Variants in MECOM observed in about 807,000 individuals in gnomAD.
MECOM encodes MDS1 and EVI1 complex locus.
A neutral mutation model predicts 116.3 loss-of-function variants in MECOM; 13 were observed. That is an observed-to-expected ratio of 0.11 (90% CI 0.07 to 0.18). The LOEUF is 0.18. Among genes scored for constraint, MECOM ranks in the 10% least tolerant of loss-of-function variants. The pLI, the probability that MECOM is intolerant of heterozygous loss-of-function variation, is 1.00. For synonymous variants in MECOM, 528 were observed against 535.2 expected, an observed-to-expected ratio of 0.99 and a Z score of 0.19; for missense variants, 1,299 against 1,509.0, an observed-to-expected ratio of 0.86 and a Z score of 2.31.
intron 2 of MECOM, among the ~76,000 whole-genome samples, chr3:169,325,093 A>G (rs1721621303): frequency 6.6e-6 from 1 of 152,170 alleles, no homozygotes. Flanking sequence ...CCCCTTATGA[A>G]TAGTGAAAAG....
intron 2 of MECOM, among the ~76,000 whole-genome samples, chr3:169,261,494 T>A (rs1402602448): frequency 6.6e-6 from 1 of 151,008 alleles, no homozygotes; most frequent in East Asian, 1.9e-4. Flanking sequence ...AGGTCAGGAG[T>A]TCAAGACCAG....
At position 169,453,431 on chromosome 3, in the gene MECOM, A is replaced by G. The variant is rs557389314; in HGVS notation, c.38-71907T>C. Among the ~76,000 whole-genome samples, 11 of 152,350 alleles carry G rather than the reference A, an allele frequency of 7.2e-5. No homozygotes were observed. The South Asian group carries it at 2.3e-3, about 32-fold the overall frequency. Reference sequence around the variant, plus strand: ...TCCTAAAACTGGGCTCCTAGCCACAATGACAGTCAAGACAAAGCCCTATCT... The same window carrying G: ...TCCTAAAACTGGGCTCCTAGCCACAGTGACAGTCAAGACAAAGCCCTATCT... On this transcript the variant is annotated intron_variant, in intron 1 of 16. Coordinates refer to ENST00000651503, the MANE Select transcript of MECOM (RefSeq NM_004991.4).
intron 2 of MECOM, among the ~76,000 whole-genome samples, chr3:169,160,110 T>C (rs1276716686): frequency 6.6e-6 from 1 of 152,140 alleles, no homozygotes; most frequent in Non-Finnish European, 1.5e-5. Context: ...ATTTTGTCCC[T>C]TTAATTTATT....
chr3:169,348,204 G>GCA (rs1271809187), intron 2 of MECOM, among the ~76,000 whole-genome samples: 6 of 152,116 alleles, frequency 3.9e-5, no homozygotes, highest in South Asian at 2.1e-4. Flanking sequence ...GTCTGTGTGT[G>GCA]CACACATGTG....
chr3:169,399,215 G>A (rs1735484481), intron 1 of MECOM, among the ~76,000 whole-genome samples: 1 of 151,976 alleles, frequency 6.6e-6, no homozygotes, highest in Non-Finnish European at 1.5e-5. Flanking sequence ...AATTCAAATT[G>A]AACCAACTTT....
At chr3:169,409,769 T>C (rs1158148189) in intron 1 of MECOM, among the ~76,000 whole-genome samples, 1 of 152,216 alleles carries the variant, frequency 6.6e-6, no homozygotes, top group Non-Finnish European at 1.5e-5. Flanking sequence ...CTATTTGAAT[T>C]AGCTAACAAT....
intron 1 of MECOM, among the ~76,000 whole-genome samples, chr3:169,574,845 T>A (rs1405202597): frequency 6.6e-6 from 1 of 151,986 alleles, no homozygotes; most frequent in Non-Finnish European, 1.5e-5. Flanking sequence ...AAAAAACTTT[T>A]CAATTCAATG....
At chr3:169,607,101 A>AT (rs763781253) in intron 1 of MECOM, among the ~76,000 whole-genome samples, 18 of 152,236 alleles carry the variant, frequency 1.2e-4, no homozygotes, top group Non-Finnish European at 1.8e-4. Flanking sequence ...AAAAGTTTTA[A>AT]TTTTTTAGAT....
intron 1 of MECOM, among the ~76,000 whole-genome samples, chr3:169,643,373 G>A (rs542500172): frequency 4.7e-4 from 71 of 152,266 alleles, no homozygotes; most frequent in African/African-American, 1.7e-3. Context: ...TTAGCACTGT[G>A]TTTTCTAAAG....
chr3:169,485,686 G>A (rs1160005604), intron 1 of MECOM, among the ~76,000 whole-genome samples: 1 of 151,248 alleles, frequency 6.6e-6, no homozygotes, highest in East Asian at 1.9e-4. Flanking sequence ...TACTAAAAAG[G>A]CTGCGTGCTC....
chr3:169,267,867 G>C (rs149033123), intron 2 of MECOM, among the ~76,000 whole-genome samples: 1 of 152,094 alleles, frequency 6.6e-6, no homozygotes, highest in Admixed American at 6.5e-5. Flanking sequence ...TGCAGGAAAA[G>C]GAAGAGAAGA....
intron 1 of MECOM, among the ~76,000 whole-genome samples, chr3:169,491,996 A>G (rs1171240335): frequency 6.6e-6 from 1 of 152,208 alleles, no homozygotes; most frequent in African/African-American, 2.4e-5. Flanking sequence ...TATCAAAGAA[A>G]ACACTTTTAT....
intron 1 of MECOM, among the ~76,000 whole-genome samples, chr3:169,402,767 G>A (rs986300835): frequency 4.6e-5 from 7 of 152,090 alleles, no homozygotes; most frequent in African/African-American, 1.7e-4. Context: ...TAGTAGCTGT[G>A]CCTTTATATT....
At chr3:169,632,945 C>T (rs1421004) in intron 1 of MECOM, among the ~76,000 whole-genome samples, 16,735 of 152,160 alleles carry the variant, frequency 0.11, 1,133 homozygotes, top group East Asian at 0.25. Context: ...TTCATTGTAT[C>T]ACACAACAGT....
chr3:169,576,830 CACACACACAG>C (rs1440791137), intron 1 of MECOM, among the ~76,000 whole-genome samples: 6 of 97,396 alleles, frequency 6.2e-5, no homozygotes, highest in East Asian at 1.1e-3. Flanking sequence ...CACACACACA[CACACACACAG>C]AGAGAGAGAG....
intron 14 of MECOM, among the ~76,000 whole-genome samples, chr3:169,091,653 G>T (rs1427896174): frequency 6.6e-6 from 1 of 151,838 alleles, no homozygotes; most frequent in Non-Finnish European, 1.5e-5. Flanking sequence ...ACACACAAAT[G>T]GGCAAGTAAA....
chr3:169,263,105 A>C lies in MECOM; in HGVS notation c.375+118082T>G, dbSNP rs1399858774. 7.4e-4 allele frequency among the ~76,000 whole-genome samples: 56 copies of C among 75,338 alleles called. 4 individuals carry two copies. Among genetic ancestry groups the C allele is most frequent in the African/African-American group, 4.2e-3 (55 of 13,236 alleles). 49.4% of individuals were successfully genotyped at this position (75,338 alleles called of 152,430 possible). A position where few individuals can be genotyped will look rare whatever the true frequency, so the allele number is the denominator to read the frequency against. On this transcript the variant is annotated intron_variant, in intron 2 of 16. Transcript: ENST00000651503. ...TATATATATATATATATATATATAT[A>C]TATATATATATATATATATATATGT...
At chr3:169,242,971 C>T (rs1755080113) in intron 2 of MECOM, among the ~76,000 whole-genome samples, 2 of 151,930 alleles carry the variant, frequency 1.3e-5, no homozygotes, top group Non-Finnish European at 2.9e-5. Flanking sequence ...TAGCTCTCCC[C>T]TTTTACTCCT....
At chr3:169,308,047 C>T (rs1240443943) in intron 2 of MECOM, among the ~76,000 whole-genome samples, 4 of 152,196 alleles carry the variant, frequency 2.6e-5, no homozygotes, top group Admixed American at 6.5e-5. Context: ...TCTATATTCT[C>T]CTGGTCCCCT....
Sources: gnomAD v4.1 joint callset for allele counts (sites outside exome capture counted in the v4.1 genomes callset) on GRCh38, gnomAD v4.1.1 for gene constraint, MANE v1.5 for transcripts, NCBI Gene and HGNC (gene_info 2026-07-23, HGNC 2026-07-21) for gene names.